RNU6ATAC: variants seen among roughly 807,000 people sequenced by gnomAD.
The protein encoded by RNU6ATAC is RNA, U6atac small nuclear, also known as RNA, U6atac small nuclear (U12-dependent splicing).
exon 1 of RNU6ATAC, chr9:134,164,561 A>C (rs1354960660): frequency 6.6e-6 from 1 of 152,120 alleles, no homozygotes; most frequent in Admixed American, 6.6e-5. Context: ...CTTTCATACA[A>C]CACGCCTCGG....
exon 1 of RNU6ATAC, chr9:134,164,541 A>T (rs1833029135): frequency 6.6e-6 from 1 of 151,914 alleles, no homozygotes; most frequent in South Asian, 2.1e-4. Context: ...GGGAGTGCTA[A>T]CCTTCTCTCC....
At chr9:134,164,459 C>T (rs1033187305) in exon 1 of RNU6ATAC, 4 of 151,930 alleles carry the variant, frequency 2.6e-5, no homozygotes, top group African/African-American at 4.8e-5. Context: ...GGTTAGATGC[C>T]ACGAAGTAGG....
exon 1 of RNU6ATAC, chr9:134,164,452 T>G (rs1194613501): frequency 6.6e-6 from 1 of 150,900 alleles, no homozygotes; most frequent in South Asian, 2.1e-4. Flanking sequence ...AAACGATGGT[T>G]AGATGCCACG....
exon 1 of RNU6ATAC, chr9:134,164,563 A>G (rs910296697): frequency 2.6e-5 from 4 of 152,102 alleles, no homozygotes; most frequent in East Asian, 3.9e-4. Flanking sequence ...TTCATACAAC[A>G]CGCCTCGGCT....
exon 1 of RNU6ATAC, chr9:134,164,526 T>C (rs1211026055): frequency 6.6e-6 from 1 of 152,084 alleles, no homozygotes; most frequent in African/African-American, 2.4e-5. Context: ...TCCATCCTTG[T>C]CAAGGGGAGT....
At chr9:134,164,507 A>C (rs1421574309) in exon 1 of RNU6ATAC, 3 of 151,502 alleles carry the variant, frequency 2.0e-5, no homozygotes, top group Admixed American at 1.3e-4. Flanking sequence ...GTCAGGCCCG[A>C]GGGCCTCTTC....
exon 1 of RNU6ATAC, chr9:134,164,519 A>G (rs1006219830): frequency 5.3e-5 from 8 of 151,290 alleles, no homozygotes; most frequent in Non-Finnish European, 1.2e-4. Context: ...GGCCTCTTCC[A>G]TCCTTGTCAA....
exon 1 of RNU6ATAC, chr9:134,164,460 A>G (rs1259797270): frequency 1.3e-5 from 2 of 150,378 alleles, no homozygotes; most frequent in Non-Finnish European, 3.0e-5. Context: ...GTTAGATGCC[A>G]CGAAGTAGGT....
At chr9:134,164,488 ATGCG>A (rs1379800736) in exon 1 of RNU6ATAC, 1 of 150,560 alleles carries the variant, frequency 6.6e-6, no homozygotes, top group African/African-American at 2.4e-5. Flanking sequence ...CCTTAACCGT[ATGCG>A]TGTTGTCAGG....
exon 1 of RNU6ATAC, chr9:134,164,505 C>G (rs1239045277): frequency 2.0e-5 from 3 of 151,936 alleles, no homozygotes; most frequent in African/African-American, 4.8e-5. Flanking sequence ...TTGTCAGGCC[C>G]GAGGGCCTCT....
exon 1 of RNU6ATAC, chr9:134,164,476 T>A (rs1467121575): frequency 6.7e-6 from 1 of 149,022 alleles, no homozygotes; most frequent in East Asian, 2.0e-4. Context: ...TAGGTGGCAA[T>A]GCCTTAACCG....
At chr9:134,164,472 G>A (rs985080588) in exon 1 of RNU6ATAC, 2 of 152,082 alleles carry the variant, frequency 1.3e-5, no homozygotes, top group Admixed American at 6.5e-5. Flanking sequence ...GAAGTAGGTG[G>A]CAATGCCTTA....
At chr9:134,164,444 A>C (rs190010535) in exon 1 of RNU6ATAC, 4 of 151,808 alleles carry the variant, frequency 2.6e-5, no homozygotes, top group Non-Finnish European at 4.4e-5. Flanking sequence ...AAAAAAAAAA[A>C]CGATGGTTAG....
chr9:134,164,514 C>CA (rs768587731), exon 1 of RNU6ATAC: 14 of 152,036 alleles, frequency 9.2e-5, no homozygotes, highest in African/African-American at 1.4e-4. Context: ...CCGAGGGCCT[C>CA]TTCCATCCTT....
At chr9:134,164,457 G>A (rs1489385996) in exon 1 of RNU6ATAC, 6 of 151,334 alleles carry the variant, frequency 4.0e-5, no homozygotes, top group East Asian at 3.9e-4. Flanking sequence ...ATGGTTAGAT[G>A]CCACGAAGTA....
exon 1 of RNU6ATAC, chr9:134,164,495 T>TG (rs1452458360): frequency 6.6e-6 from 1 of 152,060 alleles, no homozygotes; most frequent in Non-Finnish European, 1.5e-5. Flanking sequence ...CGTATGCGTG[T>TG]TGTCAGGCCC....
exon 1 of RNU6ATAC, chr9:134,164,551 C>T (rs1554729413): frequency 1.3e-5 from 2 of 152,182 alleles, no homozygotes; most frequent in African/African-American, 2.4e-5. Context: ...ACCTTCTCTC[C>T]TTTCATACAA....
exon 1 of RNU6ATAC, chr9:134,164,481 T>TA (rs1833024353): frequency 6.6e-6 from 1 of 150,552 alleles, no homozygotes; most frequent in African/African-American, 2.4e-5. Context: ...GGCAATGCCT[T>TA]AACCGTATGC....
At chr9:134,164,498 T>A (rs1179239351) in exon 1 of RNU6ATAC, 1 of 152,160 alleles carries the variant, frequency 6.6e-6, no homozygotes, top group Non-Finnish European at 1.5e-5. Context: ...ATGCGTGTTG[T>A]CAGGCCCGAG....
Sources: gnomAD v4.1 joint callset for allele counts on GRCh38, gnomAD v4.1.1 for gene constraint, MANE v1.5 for transcripts, NCBI Gene and HGNC (gene_info 2026-07-23, HGNC 2026-07-21) for gene names.